ACOXL: variants seen among roughly 807,000 people sequenced by gnomAD.
ACOXL encodes the protein acyl-CoA oxidase like, also known as acyl-coenzyme A oxidase-like protein.
Under a neutral mutation model 71.9 loss-of-function variants are expected in ACOXL, and 70 were observed. The ratio of observed to expected loss-of-function variants is 0.97; its 90% CI spans 0.80 to 1.19. ACOXL has a LOEUF of 1.19. Ranked by LOEUF, ACOXL falls within the 50% of genes most tolerant of loss-of-function variation. ACOXL has a pLI of 0.00. For missense variants in ACOXL, 703 were observed against 736.3 expected, an observed-to-expected ratio of 0.95 and a Z score of 0.52; for synonymous variants, 253 against 281.6, an observed-to-expected ratio of 0.90 and a Z score of 1.02.
At chr2:110,784,950 C>T in intron 3 of ACOXL, 135 bp downstream of exon 3, 2 of 591,290 alleles carry the variant, frequency 3.4e-6, no homozygotes, top group South Asian at 4.7e-5. Context: ...ACCTCAAAAC[C>T]TGTGCCTGAC....
chr2:110,943,726 T>C (rs2060985717), intron 12 of ACOXL, among the ~76,000 whole-genome samples: 1 of 152,212 alleles, frequency 6.6e-6, no homozygotes, highest in South Asian at 2.1e-4. Flanking sequence ...CTGACCTTCC[T>C]ACGGATTCTC....
chr2:110,986,403 A>G (rs900491302), intron 12 of ACOXL, among the ~76,000 whole-genome samples: 5 of 152,190 alleles, frequency 3.3e-5, no homozygotes, highest in Admixed American at 3.3e-4. Context: ...GTAGGTCAGC[A>G]GTTTGGGCTA....
At chr2:111,025,042 G>T (rs1438035956) in intron 14 of ACOXL, among the ~76,000 whole-genome samples, 2 of 151,980 alleles carry the variant, frequency 1.3e-5, no homozygotes, top group Admixed American at 6.5e-5. Context: ...CACCCACAAA[G>T]TTCCTTTGTG....
intron 1 of ACOXL, among the ~76,000 whole-genome samples, chr2:110,745,044 T>C (rs1234808378): frequency 6.6e-6 from 1 of 152,230 alleles, no homozygotes; most frequent in Non-Finnish European, 1.5e-5. Context: ...ACCGTTCAGG[T>C]TAATGCGAGT....
chr2:110,927,977 T>A (rs2060339705), intron 11 of ACOXL, among the ~76,000 whole-genome samples: 1 of 152,176 alleles, frequency 6.6e-6, no homozygotes, highest in South Asian at 2.1e-4. Context: ...TAGAAAATGA[T>A]TAACAATTTT....
intron 14 of ACOXL, among the ~76,000 whole-genome samples, chr2:111,022,421 TCACACACA>T (rs10543530): frequency 6.8e-6 from 1 of 147,402 alleles, no homozygotes. Context: ...AGACCCCTCC[TCACACACA>T]CACACACACA....
chr2:110,856,608 G>A (rs1265125008), intron 10 of ACOXL, among the ~76,000 whole-genome samples: 1 of 152,238 alleles, frequency 6.6e-6, no homozygotes, highest in Non-Finnish European at 1.5e-5. Flanking sequence ...GAAGGAAAAA[G>A]AAATTTGTGC....
chr2:110,769,890 T>C (rs1033030820), intron 2 of ACOXL, among the ~76,000 whole-genome samples: 1 of 151,180 alleles, frequency 6.6e-6, no homozygotes, highest in African/African-American at 2.4e-5. Context: ...ACTAAACAAA[T>C]ACTAGCCAGG....
Position 110,793,741 on chromosome 2 carries a change from G to A in ACOXL, c.246+5G>A. ...AAGTGGTTTCAGCCACTCCAGGTAT[G>A]GTATTTTCCTCAACATTGGTCTTCT... On this transcript the variant is annotated splice_donor_5th_base_variant and intron_variant, in intron 4 of 17. Transcript: ENST00000439055. 1.9e-6 allele frequency: 3 copies of A among 1,612,014 alleles called. No homozygotes were observed. Among genetic ancestry groups the A allele is most frequent in the Non-Finnish European group, 2.5e-6 (3 of 1,178,100 alleles).
intron 10 of ACOXL, among the ~76,000 whole-genome samples, chr2:110,854,302 C>G (rs1355844884): frequency 6.6e-6 from 1 of 152,150 alleles, no homozygotes. Flanking sequence ...CATCTTCTGC[C>G]TGTACCTCTT....
chr2:111,040,890 G>A (rs892644479), intron 15 of ACOXL, among the ~76,000 whole-genome samples: 11 of 152,108 alleles, frequency 7.2e-5, no homozygotes, highest in African/African-American at 1.9e-4. Flanking sequence ...GCCAAGGCCC[G>A]TAGCTGTCAT....
intron 14 of ACOXL, among the ~76,000 whole-genome samples, chr2:110,996,672 T>A (rs375069201): frequency 3.9e-5 from 6 of 152,308 alleles, no homozygotes; most frequent in East Asian, 1.9e-4. Flanking sequence ...TCTCTCCTTC[T>A]GCATGGGAAT....
chr2:111,090,336 A>G (rs911443908), intron 16 of ACOXL, among the ~76,000 whole-genome samples: 3 of 152,136 alleles, frequency 2.0e-5, no homozygotes, highest in Non-Finnish European at 4.4e-5. Flanking sequence ...CTCTTAACAC[A>G]CTGAGCTCCC....
intron 10 of ACOXL, among the ~76,000 whole-genome samples, chr2:110,871,826 G>C (rs1361219414): frequency 6.6e-6 from 1 of 152,162 alleles, no homozygotes; most frequent in East Asian, 1.9e-4. Flanking sequence ...CTGGGAGCAA[G>C]GGGACGCTTC....
intron 12 of ACOXL, among the ~76,000 whole-genome samples, chr2:110,950,018 CTGTCT>C (rs918005854): frequency 4.0e-5 from 6 of 149,900 alleles, no homozygotes; most frequent in African/African-American, 1.5e-4. Context: ...AAACAATCCT[CTGTCT>C]TTTTTTTATT....
At chr2:110,995,499 C>CAAGAAAAAAA (rs2063351853) in intron 13 of ACOXL, among the ~76,000 whole-genome samples, 1 of 67,290 alleles carries the variant, frequency 1.5e-5, no homozygotes, top group Non-Finnish European at 2.5e-5. Flanking sequence ...GACTCTGTCT[C>CAAGAAAAAAA]AAAAAAAAAA....
At chr2:110,813,804 C>G (rs1014194787) in intron 9 of ACOXL, among the ~76,000 whole-genome samples, 1 of 152,166 alleles carries the variant, frequency 6.6e-6, no homozygotes, top group African/African-American at 2.4e-5. Flanking sequence ...CCTTCCTGAT[C>G]AGGGACAATT....
chr2:110,918,468 A>G (rs1487944444), intron 11 of ACOXL, among the ~76,000 whole-genome samples: 1 of 152,246 alleles, frequency 6.6e-6, no homozygotes, highest in Non-Finnish European at 1.5e-5. Context: ...CAACCTAGGC[A>G]ATACCATTCA....
At chr2:110,823,289 A>T (rs748731542) in intron 9 of ACOXL, among the ~76,000 whole-genome samples, 45 of 151,362 alleles carry the variant, frequency 3.0e-4, no homozygotes, top group Admixed American at 6.6e-4. Context: ...TTTTTTCATG[A>T]CTGGATAGCT....
Sources: gnomAD v4.1 joint callset for allele counts (sites outside exome capture counted in the v4.1 genomes callset) on GRCh38, gnomAD v4.1.1 for gene constraint, MANE v1.5 for transcripts, NCBI Gene and HGNC (gene_info 2026-07-23, HGNC 2026-07-21) for gene names.